SPPL3: variants seen among roughly 807,000 people sequenced by gnomAD.
SPPL3 encodes signal peptide peptidase-like 3.
Under a neutral mutation model 42.4 loss-of-function variants are expected in SPPL3, and 5 were observed. The ratio of observed to expected loss-of-function variants is 0.12; its 90% CI spans 0.06 to 0.25. SPPL3 has a LOEUF of 0.25. Among genes scored for constraint, SPPL3 ranks in the 10% least tolerant of loss-of-function variants. The pLI, the probability that SPPL3 is intolerant of heterozygous loss-of-function variation, is 1.00. For synonymous variants in SPPL3, 195 were observed against 181.8 expected (o/e 1.07, Z -0.58); for missense variants, 235 against 489.0 (o/e 0.48, Z 4.90).
intron 9 of SPPL3, among the ~76,000 whole-genome samples, chr12:120,766,765 C>T (rs1868923447): frequency 6.6e-6 from 1 of 152,220 alleles, no homozygotes; most frequent in Non-Finnish European, 1.5e-5. Flanking sequence ...TCAGCTTGCT[C>T]ATCTGTCTAA....
chr12:120,869,618 A>C (rs1265562314), intron 1 of SPPL3, among the ~76,000 whole-genome samples: 3 of 152,176 alleles, frequency 2.0e-5, no homozygotes, highest in Admixed American at 6.5e-5. Context: ...TACTGAGCTA[A>C]ACGGGTATAT....
At chr12:120,790,107 C>T (rs74685432) in intron 3 of SPPL3, among the ~76,000 whole-genome samples, 2,011 of 152,198 alleles carry the variant, frequency 0.013, 33 homozygotes, top group African/African-American at 0.043. Context: ...AGATAAGCTG[C>T]TATGTAATAA....
At chr12:120,782,004 A>C (rs1354989399) in intron 6 of SPPL3, among the ~76,000 whole-genome samples, 1 of 152,128 alleles carries the variant, frequency 6.6e-6, no homozygotes, top group Admixed American at 6.5e-5. Context: ...CAGCCTCCCA[A>C]GTAGCTGGGA....
At chr12:120,898,313 TTAAAAAA>T (rs1873874257) in intron 1 of SPPL3, among the ~76,000 whole-genome samples, 1 of 98,718 alleles carries the variant, frequency 1.0e-5, no homozygotes, top group African/African-American at 3.7e-5. Flanking sequence ...TTTTTTTTTT[TTAAAAAA>T]AAAAAAAAAA....
chr12:120,768,773 C>T (rs543501677), intron 7 of SPPL3, 180 bp downstream of exon 7: 44 of 648,656 alleles, frequency 6.8e-5, no homozygotes, highest in Admixed American at 8.6e-5. Flanking sequence ...ACCTACTGTA[C>T]GACTTTTCAG....
chr12:120,841,275 T>C (rs575428884), intron 1 of SPPL3, among the ~76,000 whole-genome samples: 2 of 151,506 alleles, frequency 1.3e-5, no homozygotes, highest in African/African-American at 4.8e-5. Flanking sequence ...TGGTGAGCCA[T>C]GGTCGTGGCA....
At chr12:120,888,705 G>T (rs1194669578) in intron 1 of SPPL3, among the ~76,000 whole-genome samples, 1 of 152,166 alleles carries the variant, frequency 6.6e-6, no homozygotes, top group Non-Finnish European at 1.5e-5. Context: ...TGAAGAAAAT[G>T]TTATAAAAAT....
chr12:120,871,487 T>C (rs1872930094), intron 1 of SPPL3, among the ~76,000 whole-genome samples: 2 of 152,150 alleles, frequency 1.3e-5, no homozygotes, highest in African/African-American at 2.4e-5. Flanking sequence ...GTGCAGTGGC[T>C]CACAGCTGTA....
At chr12:120,813,054 G>A (rs1870733952) in intron 1 of SPPL3, among the ~76,000 whole-genome samples, 2 of 152,042 alleles carry the variant, frequency 1.3e-5, no homozygotes, top group South Asian at 4.1e-4. Context: ...AATGAAGACA[G>A]TATTTTGAAA....
At chr12:120,845,187 CT>C in intron 1 of SPPL3, 2 of 459,080 alleles carry the variant, frequency 4.4e-6, no homozygotes, top group Non-Finnish European at 4.4e-6. Context: ...CACAGGTGGC[CT>C]GAATGTACCA....
At chr12:120,793,052 G>T (rs184351866) in intron 2 of SPPL3, among the ~76,000 whole-genome samples, 1 of 152,120 alleles carries the variant, frequency 6.6e-6, no homozygotes, top group Non-Finnish European at 1.5e-5. Flanking sequence ...TTGTGTCTAG[G>T]ATATATAAAG....
At chr12:120,874,103 G>C (rs1873005222) in intron 1 of SPPL3, among the ~76,000 whole-genome samples, 1 of 151,976 alleles carries the variant, frequency 6.6e-6, no homozygotes, top group Admixed American at 6.6e-5. Flanking sequence ...TCTCCACACA[G>C]AAGAAAAATA....
intron 1 of SPPL3, among the ~76,000 whole-genome samples, chr12:120,815,196 G>GC (rs1366758873): frequency 6.6e-6 from 1 of 152,162 alleles, no homozygotes; most frequent in African/African-American, 2.4e-5. Flanking sequence ...GATAGATGTT[G>GC]CCAAAGTGCC....
intron 1 of SPPL3, among the ~76,000 whole-genome samples, chr12:120,854,734 T>C (rs967497788): frequency 1.3e-5 from 2 of 152,288 alleles, no homozygotes; most frequent in Non-Finnish European, 2.9e-5. Flanking sequence ...GGAAGCATCA[T>C]GAAGTTACAA....
At chr12:120,880,868 ACAAT>A (rs1723298191) in intron 1 of SPPL3, among the ~76,000 whole-genome samples, 1 of 151,752 alleles carries the variant, frequency 6.6e-6, no homozygotes, top group South Asian at 2.1e-4. Context: ...CAGCTCAACA[ACAAT>A]CAACCCAGCC....
At chr12:120,846,012 C>T (rs1304859659) in intron 1 of SPPL3, among the ~76,000 whole-genome samples, 3 of 152,166 alleles carry the variant, frequency 2.0e-5, no homozygotes, top group Non-Finnish European at 2.9e-5. Context: ...ATTCTTATAC[C>T]TTAGCCCCCA....
intron 1 of SPPL3, among the ~76,000 whole-genome samples, chr12:120,814,693 C>T (rs1250985460): frequency 6.6e-6 from 1 of 152,102 alleles, no homozygotes; most frequent in Non-Finnish European, 1.5e-5. Context: ...CTAGTCATCA[C>T]CCAACCCCCA....
Position 120,802,434 on chromosome 12 carries a change from T to A in SPPL3, c.101+8375A>T, listed in dbSNP as rs530087556. ...GTGTGTGTATATATATATATATATT[T>A]TTTTTTTTTTTCCTTTTTGAGATGG... On this transcript the variant is annotated intron_variant, in intron 2 of 10. Transcript: ENST00000353487. 9.7e-3 allele frequency among the ~76,000 whole-genome samples: 1,387 copies of A among 142,772 alleles called. 21 individuals carry two copies. Among genetic ancestry groups the A allele is most frequent in the African/African-American group, 0.032 (1,191 of 37,432 alleles). 93.7% of individuals were successfully genotyped at this position (142,772 alleles called of 152,430 possible).
chr12:120,845,107 ATTCAC>A, intron 1 of SPPL3: 1 of 392,908 alleles, frequency 2.5e-6, no homozygotes, highest in South Asian at 2.4e-5. Context: ...GGGGTGTCGC[ATTCAC>A]TTCTGGTTCC....
Sources: gnomAD v4.1 joint callset for allele counts (sites outside exome capture counted in the v4.1 genomes callset) on GRCh38, gnomAD v4.1.1 for gene constraint, MANE v1.5 for transcripts, NCBI Gene and HGNC (gene_info 2026-07-23, HGNC 2026-07-21) for gene names.